HIVEP3: variants seen among roughly 807,000 people sequenced by gnomAD.
HIVEP3 encodes the protein transcription factor HIVEP3.
A neutral mutation model predicts 152.8 loss-of-function variants in HIVEP3; 49 were observed. The observed-to-expected ratio is 0.32, with a 90% confidence interval of 0.26 to 0.41. The LOEUF is 0.41. Among genes scored for constraint, HIVEP3 ranks in the 10% least tolerant of loss-of-function variants. The probability of loss-of-function intolerance (pLI) is 1.00; values close to 1 mark genes in which losing one functional copy is unlikely to be tolerated. For missense variants in HIVEP3, 2,790 were observed against 3,103.3 expected (o/e 0.90, Z 2.40); for synonymous variants, 1,269 against 1,289.0 (o/e 0.98, Z 0.33).
intron 5 of HIVEP3, among the ~76,000 whole-genome samples, chr1:41,557,931 C>A (rs1460934067): frequency 3.9e-5 from 6 of 152,204 alleles, no homozygotes; most frequent in Non-Finnish European, 5.9e-5. Flanking sequence ...AGAAAACAAG[C>A]CCTGCAAGCC....
intron 2 of HIVEP3, among the ~76,000 whole-genome samples, chr1:41,657,178 C>T (rs1350213769): frequency 6.6e-6 from 1 of 152,210 alleles, no homozygotes; most frequent in Non-Finnish European, 1.5e-5. Flanking sequence ...AGAAGCACAA[C>T]CTCCCGACAC....
At chr1:41,858,372 G>T (rs1477867914) in intron 1 of HIVEP3, among the ~76,000 whole-genome samples, 2 of 152,088 alleles carry the variant, frequency 1.3e-5, no homozygotes, top group African/African-American at 2.4e-5. Flanking sequence ...TTATATTCAT[G>T]CCCTGTCATT....
intron 5 of HIVEP3, among the ~76,000 whole-genome samples, chr1:41,568,038 A>T (rs928437344): frequency 6.6e-6 from 1 of 152,240 alleles, no homozygotes; most frequent in Non-Finnish European, 1.5e-5. Context: ...TTGGAGGAAG[A>T]TTCCTTCATT....
intron 1 of HIVEP3, among the ~76,000 whole-genome samples, chr1:41,706,183 T>C (rs770464394): frequency 5.9e-5 from 9 of 152,232 alleles, no homozygotes; most frequent in Non-Finnish European, 1.2e-4. Context: ...TAGTACACTA[T>C]AGGTAGTTTT....
At chr1:41,859,878 G>A (rs899491582) in intron 1 of HIVEP3, among the ~76,000 whole-genome samples, 23 of 152,220 alleles carry the variant, frequency 1.5e-4, no homozygotes, top group African/African-American at 5.6e-4. Context: ...ATTAGATGCA[G>A]CAGAGTAGGT....
chr1:41,764,926 C>A (rs2365571), intron 1 of HIVEP3, among the ~76,000 whole-genome samples: 52,608 of 152,044 alleles, frequency 0.35, 9,327 homozygotes, highest in East Asian at 0.47. Flanking sequence ...CAACTCAGGG[C>A]CATCATCACA....
rs771499009 is a variant in HIVEP3 at position 41,583,691 on chromosome 1, G to A, written c.1107C>T (p.Ser369=). The change falls in exon 4 of 9, where the codon AGC becomes AGT. Residue 369 remains serine (S), a synonymous_variant. Transcript: ENST00000372583. The surrounding 1 kb of genome is among the most constrained non-coding windows in gnomAD (Gnocchi z 6.9). ...GCTCATCGATCACCTTCTTCCTCTC[G>A]CTTAAGCGGAGGGCCAGCTTCTGCT... ...TIKQKLALRL[S]ERKKVIDEQA... is the part of the protein sequence containing the mutation. The A allele has an allele frequency of 1.2e-5, 19 of 1,613,246 alleles. No homozygotes were observed. In the South Asian group the frequency reaches 1.3e-4, roughly 11 times the overall value.
chr1:41,638,685 C>A (rs956803296), intron 2 of HIVEP3, among the ~76,000 whole-genome samples: 5 of 152,198 alleles, frequency 3.3e-5, no homozygotes, highest in Non-Finnish European at 7.4e-5. Flanking sequence ...CAGGAAGGAC[C>A]AGGGCCAGCT....
chr1:41,845,286 G>A (rs1253033220), intron 1 of HIVEP3, among the ~76,000 whole-genome samples: 1 of 151,932 alleles, frequency 6.6e-6, no homozygotes, highest in African/African-American at 2.4e-5. Flanking sequence ...TATCTCCTGG[G>A]TCTACAATAG....
At chr1:41,699,036 G>A (rs996213194) in intron 2 of HIVEP3, among the ~76,000 whole-genome samples, 1 of 152,182 alleles carries the variant, frequency 6.6e-6, no homozygotes, top group Non-Finnish European at 1.5e-5. Context: ...AGGCACGCAC[G>A]CTGACTGATC....
intron 1 of HIVEP3, among the ~76,000 whole-genome samples, chr1:41,770,752 G>T (rs1232889949): frequency 6.6e-6 from 1 of 152,184 alleles, no homozygotes; most frequent in Admixed American, 6.5e-5. Flanking sequence ...AACTGTCACA[G>T]AATGCAGGAC....
chr1:41,571,797 G>A (rs985249371), intron 5 of HIVEP3, among the ~76,000 whole-genome samples: 23 of 152,178 alleles, frequency 1.5e-4, no homozygotes, highest in Non-Finnish European at 2.9e-4. Context: ...AGATTCTGAG[G>A]CCAGCACTCA....
intron 1 of HIVEP3, among the ~76,000 whole-genome samples, chr1:41,723,915 C>T (rs1267872410): frequency 6.6e-6 from 1 of 152,134 alleles, no homozygotes. Context: ...TGAATGACCA[C>T]CAGAGTAGCT....
intron 1 of HIVEP3, among the ~76,000 whole-genome samples, chr1:41,965,926 C>T (rs1320431007): frequency 6.6e-6 from 1 of 152,100 alleles, no homozygotes; most frequent in African/African-American, 2.4e-5. Flanking sequence ...GACACATTAT[C>T]GTCAGATTCT....
chr1:41,550,092 G>T (rs138110430), intron 5 of HIVEP3, among the ~76,000 whole-genome samples: 1 of 152,042 alleles, frequency 6.6e-6, no homozygotes, highest in African/African-American at 2.4e-5. Flanking sequence ...TTTCTACATA[G>T]GGCTAGCCAG....
intron 2 of HIVEP3, among the ~76,000 whole-genome samples, chr1:41,674,341 G>A (rs891365729): frequency 6.6e-6 from 1 of 152,222 alleles, no homozygotes; most frequent in Non-Finnish European, 1.5e-5. Flanking sequence ...GTGGACACAA[G>A]GGATGGCCTT....
chr1:41,683,639 AGC>A (rs1359978699), intron 2 of HIVEP3, among the ~76,000 whole-genome samples: 15 of 152,232 alleles, frequency 9.9e-5, no homozygotes, highest in Non-Finnish European at 1.2e-4. Context: ...GCTGGGAGGA[AGC>A]CCACAATGGC....
intron 5 of HIVEP3, among the ~76,000 whole-genome samples, chr1:41,553,882 C>T (rs1437388610): frequency 6.6e-6 from 1 of 152,214 alleles, no homozygotes; most frequent in East Asian, 1.9e-4. Flanking sequence ...GTCTGATAGG[C>T]TTCCCTTTGC....
intron 1 of HIVEP3, among the ~76,000 whole-genome samples, chr1:41,930,970 G>C (rs1048741000): frequency 6.6e-6 from 1 of 152,006 alleles, no homozygotes; most frequent in Admixed American, 6.6e-5. Context: ...TTATAGAGTT[G>C]TTTACTTTCT....
Sources: gnomAD v4.1 joint callset for allele counts (sites outside exome capture counted in the v4.1 genomes callset) on GRCh38, gnomAD v4.1.1 for gene constraint, Gnocchi (gnomAD v3.1) non-coding constraint, MANE v1.5 for transcripts, NCBI Gene and HGNC (gene_info 2026-07-23, HGNC 2026-07-21) for gene names.